The following MAP2K5 variants were observed in gnomAD, a reference collection of about 807,000 sequenced individuals.
MAP2K5 encodes the protein dual specificity mitogen-activated protein kinase kinase 5.
MAP2K5 carries 49 observed loss-of-function variants against 83.1 expected under a neutral mutation model. The observed-to-expected ratio is 0.59, with a 90% CI of 0.47 to 0.75. The LOEUF is 0.75. MAP2K5 is among the 30% of genes least tolerant of loss of function. MAP2K5 has a pLI of 0.00. For missense variants in MAP2K5, 457 were observed against 557.5 expected, an observed-to-expected ratio of 0.82 and a Z score of 1.82; for synonymous variants, 202 against 191.8, an observed-to-expected ratio of 1.05 and a Z score of -0.44.
At chr15:67,594,085 T>G (rs1220254215) in intron 7 of MAP2K5, among the ~76,000 whole-genome samples, 3 of 152,240 alleles carry the variant, frequency 2.0e-5, no homozygotes, top group Non-Finnish European at 4.4e-5. Context: ...GTTGATCTGC[T>G]TCTGACATCT....
chr15:67,542,947 C>T lies in MAP2K5; in HGVS notation c.-389C>T. 4.2e-6 allele frequency: 1 copy of T among 240,548 alleles called. No individual in the cohort carries two copies. The highest frequency in any genetic ancestry group is 5.7e-5 in the South Asian group (1 of 17,504). 14.9% of individuals were successfully genotyped at this position (240,548 alleles called of 1,614,324 possible). ...CGAGGACCCTCTCCTAGTCCACTGACGAGCGGTGGACACCTGCCGCTGTAT... is the reference window on the plus strand; with the variant it reads ...CGAGGACCCTCTCCTAGTCCACTGATGAGCGGTGGACACCTGCCGCTGTAT... On this transcript the variant is annotated 5_prime_UTR_variant, in exon 1 of 22. It adds an upstream start codon to the 5' untranslated region. Coordinates refer to ENST00000178640, the MANE Select transcript of MAP2K5 (RefSeq NM_145160.3).
intron 11 of MAP2K5, among the ~76,000 whole-genome samples, chr15:67,649,280 A>G (rs910116416): frequency 6.6e-6 from 1 of 152,142 alleles, no homozygotes; most frequent in African/African-American, 2.4e-5. Context: ...TATGTATTCT[A>G]ATACTTGGCT....
chr15:67,711,875 G>T (rs1013827223), intron 16 of MAP2K5, among the ~76,000 whole-genome samples: 10 of 152,244 alleles, frequency 6.6e-5, no homozygotes, highest in African/African-American at 2.2e-4. Context: ...GAGTCAAGGT[G>T]GGACCAAGAG....
chr15:67,614,655 A>G (rs1040930089), intron 8 of MAP2K5, among the ~76,000 whole-genome samples: 1 of 152,182 alleles, frequency 6.6e-6, no homozygotes, highest in African/African-American at 2.4e-5. Context: ...ACCATATATT[A>G]AAAGACATTA....
At position 67,603,705 on chromosome 15, in the gene MAP2K5, A is replaced by G. The variant is rs75944494; in HGVS notation, c.545+2956A>G. Among the ~76,000 whole-genome samples the G allele has an allele frequency of 8.5e-3, 1,299 of 152,306 alleles. 15 individuals are homozygous for G. Among genetic ancestry groups the G allele is most frequent in the African/African-American group, 0.03 (1,242 of 41,552 alleles). ...GCAAAGAAATGATATAATCATTGAT[A>G]AATGAGGATCCACTTTACTAAAGTC... is the stretch of plus-strand genomic sequence containing the variant. On this transcript the variant is annotated intron_variant, in intron 8 of 21. Coordinates refer to ENST00000178640, the MANE Select transcript of MAP2K5 (RefSeq NM_145160.3).
At chr15:67,622,798 G>A (rs187069207) in intron 8 of MAP2K5, among the ~76,000 whole-genome samples, 8 of 152,224 alleles carry the variant, frequency 5.3e-5, no homozygotes, top group South Asian at 2.1e-4. Context: ...ACTTTATAGC[G>A]TTTATAAGAA....
rs573752619 is a variant in MAP2K5 at position 67,605,697 on chromosome 15, A to G, written c.545+4948A>G. 1.1e-3 allele frequency among the ~76,000 whole-genome samples: 169 copies of G among 152,244 alleles called. 1 individual carries two copies. Among genetic ancestry groups the G allele is most frequent in the Middle Eastern group, 6.8e-3 (2 of 294 alleles). On this transcript the variant is annotated intron_variant, in intron 8 of 21. Transcript: ENST00000178640. ...TTTGCTTGGTGTTCTTCCCCCAGGC[A>G]GTGTTGTCTCAAGGTCAAGCAGAGT...
intron 8 of MAP2K5, among the ~76,000 whole-genome samples, chr15:67,611,873 T>C (rs2085931658): frequency 6.6e-6 from 1 of 152,208 alleles, no homozygotes; most frequent in South Asian, 2.1e-4. Flanking sequence ...AGCTGTACTT[T>C]GAATTTTTAT....
Position 67,781,621 on chromosome 15 carries a change from G to A in MAP2K5, c.1242+8869G>A, listed in dbSNP as rs561295063. 7.2e-5 allele frequency among the ~76,000 whole-genome samples: 11 copies of A among 152,246 alleles called. No individual in the cohort carries two copies. Among genetic ancestry groups the A allele is most frequent in the East Asian group, 3.9e-4 (2 of 5,182 alleles). On this transcript the variant is annotated intron_variant, in intron 21 of 21. Transcript: ENST00000178640. The surrounding 1 kb of genome is among the most constrained non-coding windows in gnomAD (Gnocchi z 4.0). ...TTTCTTTCCAGTATCGTGGTTTACCGTTTCTCTGGTCTCTTCATATAAATG... is the reference window on the plus strand; with the variant it reads ...TTTCTTTCCAGTATCGTGGTTTACCATTTCTCTGGTCTCTTCATATAAATG...
At chr15:67,591,437 C>T (rs11504676) in intron 6 of MAP2K5, among the ~76,000 whole-genome samples, 1 of 151,180 alleles carries the variant, frequency 6.6e-6, no homozygotes. Context: ...TGCAGTGGTG[C>T]GATCTTGGCT....
intron 16 of MAP2K5, among the ~76,000 whole-genome samples, chr15:67,710,712 C>G (rs2088671586): frequency 6.6e-6 from 1 of 152,036 alleles, no homozygotes; most frequent in South Asian, 2.1e-4. Context: ...CCATGTTGGC[C>G]AGGCTGGTCT....
chr15:67,591,164 G>A (rs1323170983), intron 6 of MAP2K5, among the ~76,000 whole-genome samples: 1 of 151,872 alleles, frequency 6.6e-6, no homozygotes, highest in Non-Finnish European at 1.5e-5. Flanking sequence ...GGCCAACATG[G>A]TGAAACCCTG....
intron 12 of MAP2K5, among the ~76,000 whole-genome samples, chr15:67,662,828 C>G (rs972675503): frequency 3.3e-5 from 5 of 152,076 alleles, no homozygotes; most frequent in African/African-American, 1.2e-4. Flanking sequence ...TTGACCTGCC[C>G]TTTTAATACC....
At chr15:67,739,530 G>C (rs1249437642) in intron 17 of MAP2K5, among the ~76,000 whole-genome samples, 5 of 124,530 alleles carry the variant, frequency 4.0e-5, no homozygotes, top group Non-Finnish European at 8.0e-5. Flanking sequence ...GCCCAGGCTG[G>C]AGTGCAGTGG....
At chr15:67,647,581 T>A (rs2141121111) in intron 11 of MAP2K5, among the ~76,000 whole-genome samples, 1 of 151,274 alleles carries the variant, frequency 6.6e-6, no homozygotes, top group Admixed American at 6.6e-5. Flanking sequence ...ATCTCATCTT[T>A]ACAAAAAAAT....
chr15:67,549,131 G>C, intron 1 of MAP2K5: 1 of 1,535,438 alleles, frequency 6.5e-7, no homozygotes, highest in Non-Finnish European at 8.7e-7. Flanking sequence ...CACTGTGGCA[G>C]AGCTCCTGGA....
intron 8 of MAP2K5, among the ~76,000 whole-genome samples, chr15:67,604,308 A>G (rs1459882813): frequency 6.6e-6 from 1 of 152,280 alleles, no homozygotes; most frequent in Non-Finnish European, 1.5e-5. Context: ...CCTAGGAAGA[A>G]GAAAAGTTTA....
In MAP2K5 at chr15:67,757,840, A is replaced by C. The variant is rs1809099688; in HGVS notation, c.1134+9239A>C. ...TAAATTCTATAATTAAAGTGTGGCC[A>C]AGGTGCTGGGGAAACACAGAGGAGA... is the stretch of plus-strand genomic sequence containing the variant. On this transcript the variant is annotated intron_variant, in intron 19 of 21. Coordinates refer to ENST00000178640, the MANE Select transcript of MAP2K5 (RefSeq NM_145160.3). This position sits in a 1 kb window ranked among gnomAD's most constrained non-coding sequence, Gnocchi z 4.9. Among the ~76,000 whole-genome samples, 1 of 152,152 alleles carries C rather than the reference A, an allele frequency of 6.6e-6. No homozygotes were observed. The highest frequency in any genetic ancestry group is 1.5e-5 in the Non-Finnish European group (1 of 68,028).
chr15:67,703,654 C>T (rs2088475958), intron 16 of MAP2K5, among the ~76,000 whole-genome samples: 1 of 152,100 alleles, frequency 6.6e-6, no homozygotes, highest in Non-Finnish European at 1.5e-5. Flanking sequence ...GTTAAAAATA[C>T]AGATTCTTCA....
Sources: gnomAD v4.1 joint callset for allele counts (sites outside exome capture counted in the v4.1 genomes callset) on GRCh38, gnomAD v4.1.1 for gene constraint, Gnocchi (gnomAD v3.1) non-coding constraint, MANE v1.5 for transcripts, NCBI Gene and HGNC (gene_info 2026-07-23, HGNC 2026-07-21) for gene names.